EYS: variants seen among roughly 807,000 people sequenced by gnomAD.
The protein encoded by EYS is EGF-like photoreceptor maintenance factor.
In EYS, 250 loss-of-function variants were observed where a neutral mutation model predicts 282.1. The ratio of observed to expected loss-of-function variants is 0.89; its 90% confidence interval spans 0.80 to 0.98. The LOEUF (loss-of-function observed/expected upper bound fraction) is 0.98. Among genes scored for constraint, EYS ranks in the 50% least tolerant of loss-of-function variants. The pLI, the probability that EYS is intolerant of heterozygous loss-of-function variation, is 0.00. For missense variants in EYS, 4,016 were observed against 3,709.0 expected (o/e 1.08, Z -2.15); for synonymous variants, 1,355 against 1,282.9 (o/e 1.06, Z -1.20).
intron 28 of EYS, among the ~76,000 whole-genome samples, chr6:64,432,483 T>G (rs1010222539): frequency 1.3e-5 from 2 of 151,382 alleles, no homozygotes; most frequent in Non-Finnish European, 2.9e-5. Flanking sequence ...ATAATACACT[T>G]GTTATTAAAG....
At chr6:65,059,094 A>C (rs1039476885) in intron 12 of EYS, among the ~76,000 whole-genome samples, 1 of 152,116 alleles carries the variant, frequency 6.6e-6, no homozygotes, top group African/African-American at 2.4e-5. Flanking sequence ...TAAGCTGAGA[A>C]AAAAAGTGAA....
chr6:64,182,950 T>C (rs1346346005), intron 31 of EYS, among the ~76,000 whole-genome samples: 1 of 152,134 alleles, frequency 6.6e-6, no homozygotes, highest in Non-Finnish European at 1.5e-5. Flanking sequence ...GGTTTGGCTC[T>C]GTGTCCCCAC....
intron 30 of EYS, among the ~76,000 whole-genome samples, chr6:64,275,055 A>G (rs923761630): frequency 3.9e-5 from 6 of 152,184 alleles, no homozygotes; most frequent in African/African-American, 1.4e-4. Flanking sequence ...GGTCACACCT[A>G]CAACCTTCAG....
intron 30 of EYS, among the ~76,000 whole-genome samples, chr6:64,291,635 T>C (rs545440825): frequency 9.5e-4 from 144 of 152,190 alleles, no homozygotes; most frequent in Non-Finnish European, 1.9e-3. Context: ...AATTAAAAAG[T>C]CAAATTGGAA....
chr6:65,311,579 A>T (rs953602561), intron 11 of EYS, among the ~76,000 whole-genome samples: 4 of 152,198 alleles, frequency 2.6e-5, no homozygotes, highest in African/African-American at 9.7e-5. Context: ...TTAATATTTA[A>T]TATTTAATTT....
intron 26 of EYS, among the ~76,000 whole-genome samples, chr6:64,541,820 T>A (rs565849165): frequency 6.6e-6 from 1 of 152,318 alleles, no homozygotes; most frequent in Non-Finnish European, 1.5e-5. Context: ...GAATGAAAGA[T>A]GGTAATACAA....
At chr6:64,121,789 C>T (rs1215390785) in intron 31 of EYS, among the ~76,000 whole-genome samples, 1 of 152,046 alleles carries the variant, frequency 6.6e-6, no homozygotes, top group African/African-American at 2.4e-5. Flanking sequence ...TTTTTCTTGC[C>T]TGAATTGCCA....
intron 15 of EYS, among the ~76,000 whole-genome samples, chr6:64,938,106 T>C (rs957784802): frequency 1.3e-5 from 2 of 151,574 alleles, no homozygotes; most frequent in African/African-American, 4.8e-5. Context: ...AGGGGGACTT[T>C]ATTTATTTCA....
Position 64,590,891 on chromosome 6 carries a change from A to T in EYS, c.4976T>A (p.Leu1659Ter), listed in dbSNP as rs1466540617. The T allele has an allele frequency of 6.4e-7, 1 of 1,550,482 alleles. No individual in the cohort carries two copies. Among genetic ancestry groups the T allele is most frequent in the Non-Finnish European group, 8.7e-7 (1 of 1,146,644 alleles). Residue 1659 changes from leucine to a stop codon, truncating the protein, a stop_gained, in exon 26 of 43, where the codon TTA becomes TAA. Transcript: ENST00000503581. LOFTEE classifies it high-confidence loss of function. ...ITLSSNLDVN[L>*]CLDKTCLSIV... ...GGATAAACAAGTCTTATCCAAACAT[A>T]AATTAACATCCAAATTACTTGATAG...
chr6:65,230,659 G>C (rs1766747943), intron 12 of EYS, among the ~76,000 whole-genome samples: 1 of 151,438 alleles, frequency 6.6e-6, no homozygotes, highest in Admixed American at 6.6e-5. Flanking sequence ...ACATGTGGAG[G>C]GCCTCCCCTC....
At chr6:64,173,478 A>G (rs1764540340) in intron 31 of EYS, among the ~76,000 whole-genome samples, 1 of 152,122 alleles carries the variant, frequency 6.6e-6, no homozygotes, top group African/African-American at 2.4e-5. Context: ...GTTTCATGTG[A>G]AAACTTGAAA....
At chr6:64,442,671 C>T (rs892390008) in intron 26 of EYS, among the ~76,000 whole-genome samples, 1 of 152,122 alleles carries the variant, frequency 6.6e-6, no homozygotes, top group Non-Finnish European at 1.5e-5. Context: ...CCAGCCATGA[C>T]TAAAAGGGGC....
intron 12 of EYS, among the ~76,000 whole-genome samples, chr6:65,130,903 T>C (rs1453788492): frequency 6.6e-6 from 1 of 151,512 alleles, no homozygotes. Flanking sequence ...AAACTGTTTA[T>C]TGTAAGTGGT....
intron 37 of EYS, among the ~76,000 whole-genome samples, chr6:63,790,762 A>G (rs1362209873): frequency 3.3e-5 from 5 of 152,164 alleles, no homozygotes; most frequent in African/African-American, 1.2e-4. Context: ...GTGGAGGAGG[A>G]AACATGAGAT....
At chr6:64,729,298 T>G (rs551169504) in intron 22 of EYS, among the ~76,000 whole-genome samples, 30 of 152,284 alleles carry the variant, frequency 2.0e-4, no homozygotes, top group African/African-American at 6.5e-4. Context: ...AATTATATTA[T>G]TGCTTAACAA....
chr6:64,474,929 T>G (rs1423141477), intron 26 of EYS, among the ~76,000 whole-genome samples: 1 of 152,176 alleles, frequency 6.6e-6, no homozygotes, highest in East Asian at 1.9e-4. Flanking sequence ...AACACATCAT[T>G]CAGGAAAATG....
chr6:64,248,894 A>G (rs1356579435), intron 30 of EYS, among the ~76,000 whole-genome samples: 2 of 151,888 alleles, frequency 1.3e-5, no homozygotes, highest in East Asian at 3.9e-4. Context: ...TGTCTCTACT[A>G]AAAATACAAA....
chr6:64,459,934 C>G (rs934025824), intron 26 of EYS, among the ~76,000 whole-genome samples: 3 of 145,928 alleles, frequency 2.1e-5, no homozygotes, highest in Non-Finnish European at 3.0e-5. Flanking sequence ...ATCTCCTGAC[C>G]AAGTAATATC....
Position 65,495,454 on chromosome 6 carries a change from C to T in EYS, c.-44G>A, listed in dbSNP as rs762745838. ...TACAGTTTATCATAAAGAATTGCTGCAAAATGGTGTTTTAAGTATTACCGG... is the reference window on the plus strand; with the variant it reads ...TACAGTTTATCATAAAGAATTGCTGTAAAATGGTGTTTTAAGTATTACCGG... On this transcript the variant is annotated 5_prime_UTR_variant, in exon 4 of 43. Coordinates refer to ENST00000503581, the MANE Select transcript of EYS (RefSeq NM_001142800.2). The T allele has an allele frequency of 6.3e-7, 1 of 1,594,424 alleles. No individual in the cohort carries two copies. The highest frequency in any genetic ancestry group is 1.7e-5 in the Admixed American group (1 of 59,812).
Sources: allele counts gnomAD v4.1 joint callset (sites outside exome capture counted in the v4.1 genomes callset), GRCh38; gene constraint gnomAD v4.1.1; transcripts MANE v1.5; gene names NCBI Gene and HGNC (gene_info 2026-07-23, HGNC 2026-07-21).